The following RGSL1 variants were observed in gnomAD, a reference collection of about 807,000 sequenced individuals.
RGSL1 encodes the protein regulator of G protein signaling protein-like.
In RGSL1, 97 loss-of-function variants were observed where a neutral mutation model predicts 124.7. The ratio of observed to expected loss-of-function variants is 0.78; its 90% CI spans 0.66 to 0.92. The LOEUF is 0.92. RGSL1 is among the 40% of genes least tolerant of loss of function. RGSL1 has a pLI of 0.00. For missense variants in RGSL1, 1,233 were observed against 1,288.4 expected, an observed-to-expected ratio of 0.96 and a Z score of 0.66; for synonymous variants, 424 against 438.1, an observed-to-expected ratio of 0.97 and a Z score of 0.40.
chr1:182,549,164 T>C (rs1660410330), intron 17 of RGSL1: 1 of 213,970 alleles, frequency 4.7e-6, no homozygotes. Flanking sequence ...GGAGAAATTC[T>C]GTCAAGACTA....
chr1:182,522,249 C>T, intron 10 of RGSL1, 140 bp downstream of exon 10: 1 of 646,792 alleles, frequency 1.5e-6, no homozygotes, highest in Non-Finnish European at 2.8e-6. Context: ...GGTACAGACA[C>T]TCTTAGTATT....
intron 15 of RGSL1, among the ~76,000 whole-genome samples, chr1:182,541,223 A>T (rs1454776352): frequency 6.6e-6 from 1 of 152,106 alleles, no homozygotes; most frequent in Non-Finnish European, 1.5e-5. Flanking sequence ...GTACCTCTTG[A>T]TCAAACTGTC....
At chr1:182,501,413 G>C (rs1247303590) in intron 9 of RGSL1, among the ~76,000 whole-genome samples, 1 of 130,092 alleles carries the variant, frequency 7.7e-6, no homozygotes, top group Middle Eastern at 5.4e-3. Flanking sequence ...CCATCTCCCA[G>C]GTTCAAGCAA....
chr1:182,548,950 G>T, intron 17 of RGSL1, 126 bp downstream of exon 17: 3 of 1,219,376 alleles, frequency 2.5e-6, no homozygotes, highest in Non-Finnish European at 3.4e-6. Context: ...CTAAGATGGT[G>T]TTTTCAAAAT....
chr1:182,559,311 C>A (rs1009668577), intron 21 of RGSL1, among the ~76,000 whole-genome samples: 1 of 152,152 alleles, frequency 6.6e-6, no homozygotes, highest in Non-Finnish European at 1.5e-5. Flanking sequence ...TATTTCTTTT[C>A]TCCAATCAAC....
chr1:182,449,979 C>T (rs189161731), upstream of RGSL1: 105 of 651,304 alleles, frequency 1.6e-4, 1 homozygote, highest in African/African-American at 1.7e-3. Flanking sequence ...GGGGATTCAG[C>T]AGATTAGGTA....
At chr1:182,466,475 G>T (rs1653339250) in intron 4 of RGSL1, among the ~76,000 whole-genome samples, 1 of 152,090 alleles carries the variant, frequency 6.6e-6, no homozygotes, top group South Asian at 2.1e-4. Flanking sequence ...CAGCAAAGTA[G>T]CTGGATACAA....
chr1:182,461,963 G>T (rs174750), intron 4 of RGSL1, among the ~76,000 whole-genome samples: 11,871 of 151,930 alleles, frequency 0.078, 628 homozygotes, highest in East Asian at 0.26. Context: ...ATATATAATG[G>T]CTAAAAACCT....
intron 4 of RGSL1, among the ~76,000 whole-genome samples, chr1:182,471,897 A>C (rs1653874352): frequency 6.6e-6 from 1 of 152,094 alleles, no homozygotes; most frequent in African/African-American, 2.4e-5. Flanking sequence ...GAAATCCTGG[A>C]TCTCCAAGGA....
chr1:182,532,728 A>T lies in RGSL1; in HGVS notation c.2431A>T (p.Asn811Tyr). Reference protein sequence around the residue: ...SFCKYRRFMLNPSKRQEFEDY... With the variant: ...SFCKYRRFMLYPSKRQEFEDY... ...TTGCAAGTACCGCAGATTTATGTTG[A>T]ATCCTAGTAAGCGCCAGGAATTTGA... is the stretch of plus-strand genomic sequence containing the variant. Residue 811 changes from asparagine (N) to tyrosine (Y), a missense_variant, in exon 14 of 22, where the codon AAT (asparagine) becomes TAT (tyrosine). Asn to Tyr is a moderately radical substitution (Grantham distance 143). Coordinates refer to ENST00000294854, the MANE Select transcript of RGSL1 (RefSeq NM_001137669.2). The T allele has an allele frequency of 6.4e-7, 1 of 1,551,132 alleles. No individual in the cohort carries two copies. Among genetic ancestry groups the T allele is most frequent in the Non-Finnish European group, 8.7e-7 (1 of 1,146,536 alleles).
intron 2 of RGSL1, among the ~76,000 whole-genome samples, chr1:182,456,839 G>A (rs75448875): frequency 0.014 from 2,180 of 152,160 alleles, 27 homozygotes; most frequent in Middle Eastern, 0.054. Flanking sequence ...TGTGAAGTAG[G>A]AAGTATTTTC....
At chr1:182,482,701 A>C (rs561570406) in intron 6 of RGSL1, among the ~76,000 whole-genome samples, 1 of 152,330 alleles carries the variant, frequency 6.6e-6, no homozygotes, top group East Asian at 1.9e-4. Flanking sequence ...CAGTATGGAA[A>C]ACAGTATGCA....
chr1:182,486,197 T>C (rs1292210744), intron 6 of RGSL1, among the ~76,000 whole-genome samples: 1 of 152,196 alleles, frequency 6.6e-6, no homozygotes, highest in African/African-American at 2.4e-5. Flanking sequence ...TTATTATTCA[T>C]GACTATTATT....
At position 182,455,141 on chromosome 1, in the gene RGSL1, G is replaced by A. The variant is rs116390194; in HGVS notation, c.96+1101G>A. 5.0e-3 allele frequency among the ~76,000 whole-genome samples: 763 copies of A among 152,310 alleles called. 10 individuals are homozygous for A. The highest frequency in any genetic ancestry group is 0.018 in the African/African-American group (731 of 41,578). On this transcript the variant is annotated intron_variant, in intron 2 of 21. Coordinates refer to ENST00000294854, the MANE Select transcript of RGSL1 (RefSeq NM_001137669.2). ...GGTGACATGACAGAAGTTTTTAGGA[G>A]GCAGTGGGAGTACAGTACTCATGAG...
chr1:182,495,017 C>A (rs1273384820), intron 9 of RGSL1, among the ~76,000 whole-genome samples: 1 of 152,238 alleles, frequency 6.6e-6, no homozygotes, highest in East Asian at 1.9e-4. Context: ...TGAGACCTTG[C>A]AGCTAAGATA....
At chr1:182,472,221 C>T (rs1653904518) in intron 4 of RGSL1, among the ~76,000 whole-genome samples, 175 bp from the exon 5 acceptor site, 1 of 152,150 alleles carries the variant, frequency 6.6e-6, no homozygotes, top group African/African-American at 2.4e-5. Flanking sequence ...CCCATGCCTC[C>T]AATTCTCCCC....
chr1:182,491,923 T>C (rs1655553926), intron 8 of RGSL1, among the ~76,000 whole-genome samples: 1 of 152,188 alleles, frequency 6.6e-6, no homozygotes, highest in Non-Finnish European at 1.5e-5. Context: ...AAACATCTCT[T>C]GCTATCTCAG....
intron 6 of RGSL1, among the ~76,000 whole-genome samples, chr1:182,480,731 C>T (rs932949059): frequency 2.6e-5 from 4 of 152,150 alleles, no homozygotes; most frequent in Non-Finnish European, 5.9e-5. Context: ...GCTGGGATTA[C>T]AGGCGTGAGC....
At chr1:182,491,864 T>C (rs1380884108) in intron 8 of RGSL1, among the ~76,000 whole-genome samples, 4 of 152,192 alleles carry the variant, frequency 2.6e-5, no homozygotes, top group African/African-American at 7.2e-5. Context: ...TTCTCCTCCG[T>C]AGGAAGTAAG....
Sources: gnomAD v4.1 joint callset for allele counts (sites outside exome capture counted in the v4.1 genomes callset) on GRCh38, gnomAD v4.1.1 for gene constraint, MANE v1.5 for transcripts, NCBI Gene and HGNC (gene_info 2026-07-23, HGNC 2026-07-21) for gene names.